CSMD3: variants seen among roughly 807,000 people sequenced by gnomAD.
The protein encoded by CSMD3 is CUB and Sushi multiple domains 3, also known as CUB and sushi domain-containing protein 3.
Under a neutral mutation model 435.2 loss-of-function variants are expected in CSMD3, and 177 were observed. The ratio of observed to expected loss-of-function variants is 0.41; its 90% CI spans 0.36 to 0.46. CSMD3 has a LOEUF of 0.46. Ranked by LOEUF, CSMD3 falls within the 20% of genes least tolerant of loss-of-function variation. The pLI is 0.34. For synonymous variants in CSMD3, 1,656 were observed against 1,520.5 expected, an observed-to-expected ratio of 1.09 and a Z score of -2.07; for missense variants, 4,265 against 4,504.6, an observed-to-expected ratio of 0.95 and a Z score of 1.52.
intron 22 of CSMD3, among the ~76,000 whole-genome samples, chr8:112,621,928 C>A (rs923884089): frequency 2.6e-5 from 4 of 152,106 alleles, no homozygotes; most frequent in Admixed American, 2.6e-4. Context: ...CTGTCTGGAG[C>A]CTAACAACCA....
intron 23 of CSMD3, among the ~76,000 whole-genome samples, chr8:112,576,730 A>T (rs1829973364): frequency 6.6e-6 from 1 of 151,690 alleles, no homozygotes; most frequent in Non-Finnish European, 1.5e-5. Flanking sequence ...GGGTTTTGCC[A>T]TGCTGCCCAG....
chr8:112,474,119 C>A (rs1483102379), intron 31 of CSMD3, among the ~76,000 whole-genome samples: 1 of 152,102 alleles, frequency 6.6e-6, no homozygotes, highest in Non-Finnish European at 1.5e-5. Context: ...CAGCTCTCTG[C>A]AAGTTATAGC....
chr8:113,033,636 G>A (rs1441699836), intron 5 of CSMD3, among the ~76,000 whole-genome samples: 3 of 150,608 alleles, frequency 2.0e-5, no homozygotes, highest in Non-Finnish European at 4.4e-5. Flanking sequence ...TATGTGGAAG[G>A]GACTTGCCAT....
At chr8:112,318,636 A>G (rs1181679964) in intron 47 of CSMD3, among the ~76,000 whole-genome samples, 1 of 152,106 alleles carries the variant, frequency 6.6e-6, no homozygotes, top group East Asian at 1.9e-4. Context: ...TACCCTTGAA[A>G]GAATCAAAGA....
At chr8:112,730,181 A>T (rs1489947850) in intron 13 of CSMD3, among the ~76,000 whole-genome samples, 2 of 152,088 alleles carry the variant, frequency 1.3e-5, no homozygotes, top group East Asian at 3.9e-4. Context: ...AAGGATCTAG[A>T]CTTAAAAGAG....
At chr8:112,783,412 A>AGGAAGGAG (rs2078444457) in intron 13 of CSMD3, among the ~76,000 whole-genome samples, 6 of 78,902 alleles carry the variant, frequency 7.6e-5, no homozygotes, top group African/African-American at 3.4e-4. Context: ...GAAGGAAGGA[A>AGGAAGGAG]GGAGGGAGGG....
intron 3 of CSMD3, among the ~76,000 whole-genome samples, chr8:113,265,771 T>A (rs75429981): frequency 0.033 from 5,009 of 151,688 alleles, 106 homozygotes; most frequent in Middle Eastern, 0.061. Flanking sequence ...GAGATACTCA[T>A]GATTTAGCTA....
intron 46 of CSMD3, 149 bp downstream of exon 46, chr8:112,319,752 C>A: frequency 1.5e-6 from 1 of 683,296 alleles, no homozygotes; most frequent in South Asian, 1.6e-5. Context: ...TTCACTCCTT[C>A]TCCCTTCTTA....
intron 22 of CSMD3, among the ~76,000 whole-genome samples, chr8:112,607,679 T>C (rs562883516): frequency 2.0e-5 from 3 of 152,284 alleles, no homozygotes; most frequent in African/African-American, 4.8e-5. Context: ...CTAATAAACA[T>C]GATATATTAC....
Position 112,777,270 on chromosome 8 carries a change from C to T in CSMD3, c.1972+22892G>A, listed in dbSNP as rs189144533. On this transcript the variant is annotated intron_variant, in intron 13 of 70. Coordinates refer to ENST00000297405, the MANE Select transcript of CSMD3 (RefSeq NM_198123.2). ...ACATAATTTCACAGAACACAAACCA[C>T]GGAAAGAAAAGTAGTATGTTTAATG... Among the ~76,000 whole-genome samples, 46 of 151,774 alleles carry T rather than the reference C, an allele frequency of 3.0e-4. 1 individual carries two copies. The highest frequency in any genetic ancestry group is 7.0e-4 in the African/African-American group (29 of 41,476).
intron 13 of CSMD3, among the ~76,000 whole-genome samples, chr8:112,795,029 G>A (rs892109057): frequency 2.6e-5 from 4 of 151,946 alleles, no homozygotes; most frequent in Admixed American, 6.6e-5. Context: ...AAGTAAAAAC[G>A]TCCAGATAGT....
intron 10 of CSMD3, among the ~76,000 whole-genome samples, chr8:112,900,579 G>A (rs1277790545): frequency 6.6e-6 from 1 of 151,174 alleles, no homozygotes; most frequent in African/African-American, 2.4e-5. Flanking sequence ...AGTAAACTGT[G>A]ACCCAGGCAC....
chr8:113,068,613 C>T (rs2088965421), intron 5 of CSMD3, among the ~76,000 whole-genome samples: 1 of 152,132 alleles, frequency 6.6e-6, no homozygotes, highest in Non-Finnish European at 1.5e-5. Context: ...CAATTTTACA[C>T]TACGGAAGTA....
chr8:113,188,921 T>C (rs1424052510), intron 3 of CSMD3, among the ~76,000 whole-genome samples: 1 of 151,878 alleles, frequency 6.6e-6, no homozygotes, highest in Admixed American at 6.6e-5. Flanking sequence ...CTTAATATCA[T>C]CACATTCTAA....
In CSMD3 at chr8:112,800,258, C is replaced by T; in HGVS notation, c.1876G>A (p.Val626Ile). Residue 626 changes from valine to isoleucine, a missense_variant, in exon 13 of 71, where the codon GTA becomes ATA. Physicochemically the swap from Val to Ile is conservative, Grantham distance 29. This residue lies in a region of CSMD3 where 279 missense variants were observed against 369.0 expected (regional missense o/e 0.76). Coordinates refer to ENST00000297405, the MANE Select transcript of CSMD3 (RefSeq NM_198123.2). ...CTCATGCTCACTATCAAGTCTGGTA[C>T]AAAGCTTCCAGTCAGCCTAAAAAGA... ...TVLQVLTGSFVPDLIVSMSSQ... is the reference protein window; with the variant it reads ...TVLQVLTGSFIPDLIVSMSSQ... The T allele has an allele frequency of 6.2e-7, 1 of 1,611,546 alleles. No homozygotes were observed. The highest frequency in any genetic ancestry group is 8.5e-7 in the Non-Finnish European group (1 of 1,178,036).
At chr8:112,820,748 G>A (rs540908957) in intron 12 of CSMD3, among the ~76,000 whole-genome samples, 4 of 151,620 alleles carry the variant, frequency 2.6e-5, no homozygotes, top group South Asian at 4.2e-4. Flanking sequence ...CTATCAAGCC[G>A]TCATCTAGGT....
chr8:112,426,674 C>A (rs1813100047), intron 32 of CSMD3, among the ~76,000 whole-genome samples: 1 of 152,182 alleles, frequency 6.6e-6, no homozygotes, highest in South Asian at 2.1e-4. Context: ...TGCTCAAATA[C>A]TTTTCCATTG....
At chr8:112,304,471 A>C (rs921048815) in intron 52 of CSMD3, among the ~76,000 whole-genome samples, 2 of 152,048 alleles carry the variant, frequency 1.3e-5, no homozygotes, top group Admixed American at 6.6e-5. Context: ...TCATTGTTAA[A>C]GTAGGTAATA....
intron 38 of CSMD3, among the ~76,000 whole-genome samples, chr8:112,355,866 A>C (rs1826555721): frequency 6.6e-6 from 1 of 152,158 alleles, no homozygotes; most frequent in Admixed American, 6.5e-5. Context: ...AAAAAATAAA[A>C]AGTGGACAAA....
Sources: gnomAD v4.1 joint callset for allele counts (sites outside exome capture counted in the v4.1 genomes callset) on GRCh38, gnomAD v4.1.1 for gene constraint, gnomAD v4.1.1 regional missense constraint, MANE v1.5 for transcripts, NCBI Gene and HGNC (gene_info 2026-07-23, HGNC 2026-07-21) for gene names.